Variants in HPD observed in about 807,000 individuals in gnomAD.
HPD encodes the protein 4-hydroxyphenylpyruvic acid oxidase.
In HPD, 35 loss-of-function variants were observed where a neutral mutation model predicts 56.9. The ratio of observed to expected loss-of-function variants is 0.62; its 90% CI spans 0.47 to 0.82. The LOEUF (loss-of-function observed/expected upper bound fraction) is 0.82, where lower values mean the gene tolerates loss of function less well. HPD is among the 40% of genes least tolerant of loss of function. The pLI, the probability that HPD is intolerant of heterozygous loss-of-function variation, is 0.00. For synonymous variants in HPD, 186 were observed against 200.2 expected (o/e 0.93, Z 0.60); for missense variants, 442 against 506.8 (o/e 0.87, Z 1.23).
At position 121,856,603 on chromosome 12, in the gene HPD, G is replaced by A. The variant is rs781548609; in HGVS notation, c.221C>T (p.Ala74Val). 19 of 1,613,972 alleles carry A rather than the reference G, an allele frequency of 1.2e-5. 1 individual carries two copies. Among genetic ancestry groups the A allele is most frequent in the South Asian group, 3.3e-5 (3 of 91,088 alleles). Residue 74 changes from alanine (A) to valine (V), a missense_variant, in exon 5 of 14, where the codon GCG (alanine) becomes GTG (valine). Ala to Val is a moderately conservative substitution (Grantham distance 64). Transcript: ENST00000289004. ...CTCACCTTTGTTCCAGGGGTTGAGCGCTGAGGAGAGGACAAACACAATCTA... is the reference window on the plus strand; with the variant it reads ...CTCACCTTTGTTCCAGGGGTTGAGCACTGAGGAGAGGACAAACACAATCTA... ...QGKIVFVLSSALNPWNKEMGD... is the reference protein window; with the variant it reads ...QGKIVFVLSSVLNPWNKEMGD...
At chr12:121,869,039 C>T in the HPD span, among the ~76,000 whole-genome samples, 22 of 146,464 alleles carry the variant, frequency 1.5e-4, no homozygotes, top group East Asian at 4.3e-3. Flanking sequence ...CAGGCATGTG[C>T]CACTGTGCCC....
chr12:121,857,444 G>A lies in HPD; in HGVS notation c.94-12C>T. 1 of 1,581,676 alleles carries A rather than the reference G, an allele frequency of 6.3e-7. No individual in the cohort carries two copies. On this transcript the variant is annotated splice_polypyrimidine_tract_variant and intron_variant, in intron 3 of 13. Transcript: ENST00000289004. ...TAGAATGACGTGGCCTGAATCACAGGGTTGCAGCAGGGTTCATGAGGGTCA... is the reference window on the plus strand; with the variant it reads ...TAGAATGACGTGGCCTGAATCACAGAGTTGCAGCAGGGTTCATGAGGGTCA...
At chr12:121,872,556 C>T in the HPD span, among the ~76,000 whole-genome samples, 5 of 151,890 alleles carry the variant, frequency 3.3e-5, no homozygotes, top group East Asian at 5.9e-4. Context: ...CTCCAGCATC[C>T]ACTCCTGTTC....
intron 12 of HPD, among the ~76,000 whole-genome samples, chr12:121,841,844 C>A (rs1197762684): frequency 6.6e-6 from 1 of 152,028 alleles, no homozygotes; most frequent in Non-Finnish European, 1.5e-5. Context: ...GCTATCACAC[C>A]CAGCTAATTT....
chr12:121,857,604 C>G, intron 3 of HPD, 153 bp downstream of exon 3: 1 of 833,000 alleles, frequency 1.2e-6, no homozygotes, highest in Admixed American at 2.0e-5. Flanking sequence ...ATAACTTTCC[C>G]GCTGGTGTAA....
At chr12:121,859,855 T>G (rs1298456231), upstream of HPD, among the ~76,000 whole-genome samples, 1 of 152,186 alleles carries the variant, frequency 6.6e-6, no homozygotes, top group Admixed American at 6.5e-5. Flanking sequence ...CTCAGCTCCT[T>G]AAGTCTAAAT....
the HPD span, among the ~76,000 whole-genome samples, chr12:121,885,488 C>T: frequency 6.7e-3 from 1,021 of 152,238 alleles, 4 homozygotes; most frequent in South Asian, 0.037. Flanking sequence ...GTGTGAGCCA[C>T]CACGCCCGGC....
intron 12 of HPD, among the ~76,000 whole-genome samples, chr12:121,842,843 G>T (rs12825630): frequency 0.21 from 31,055 of 147,892 alleles, 3,460 homozygotes; most frequent in African/African-American, 0.28. Flanking sequence ...CGCCTCCCGG[G>T]TTCAAGTGAT....
upstream of HPD, among the ~76,000 whole-genome samples, chr12:121,864,962 C>T (rs917238350): frequency 2.0e-5 from 3 of 151,950 alleles, no homozygotes; most frequent in East Asian, 2.0e-4. Context: ...ACTGGTTCAT[C>T]TTAGGGTAGA....
At chr12:121,862,990 T>C (rs1335867759), upstream of HPD, among the ~76,000 whole-genome samples, 5 of 136,352 alleles carry the variant, frequency 3.7e-5, no homozygotes, top group East Asian at 4.2e-4. Flanking sequence ...CCCCCCCTCC[T>C]TTTTTTTTTT....
At chr12:121,872,456 A>G in the HPD span, among the ~76,000 whole-genome samples, 1 of 151,604 alleles carries the variant, frequency 6.6e-6, no homozygotes, top group Non-Finnish European at 1.5e-5. Context: ...GTCTTGAACT[A>G]CTGACCTCAA....
chr12:121,857,292 C>T (rs1878036606), intron 4 of HPD, 36 bp downstream of exon 4: 3 of 1,351,102 alleles, frequency 2.2e-6, no homozygotes, highest in Non-Finnish European at 3.2e-6. Context: ...GTTGGCCAGG[C>T]AGGGGTTGGG....
the HPD span, among the ~76,000 whole-genome samples, chr12:121,880,659 C>A: frequency 0.25 from 38,427 of 152,032 alleles, 6,148 homozygotes; most frequent in East Asian, 0.57. Flanking sequence ...TATCTTATTA[C>A]TATTTTATGT....
intron 5 of HPD, 81 bp from the exon 6 acceptor site, chr12:121,856,487 T>A: frequency 6.3e-7 from 1 of 1,596,144 alleles, no homozygotes; most frequent in Non-Finnish European, 8.6e-7. Flanking sequence ...ATCCAGGCCC[T>A]GAACCCAGAG....
intron 4 of HPD, chr12:121,856,973 C>T (rs571425136): frequency 2.6e-5 from 13 of 499,780 alleles, no homozygotes; most frequent in Admixed American, 2.0e-4. Context: ...GAGGAGGAAA[C>T]GAAACTAGGA....
chr12:121,850,472 C>CTT (rs572420297), intron 7 of HPD, among the ~76,000 whole-genome samples: 46,707 of 119,872 alleles, frequency 0.39, 10,113 homozygotes, highest in East Asian at 0.7. Flanking sequence ...CTTTAACCAT[C>CTT]TTTTTTTTTT....
chr12:121,853,006 C>G (rs987339732), intron 7 of HPD, among the ~76,000 whole-genome samples: 6 of 152,156 alleles, frequency 3.9e-5, no homozygotes, highest in African/African-American at 9.7e-5. Flanking sequence ...TAAAAAGGAA[C>G]AAGATCATGT....
chr12:121,856,946 C>T (rs1054857467), intron 4 of HPD: 3 of 513,186 alleles, frequency 5.8e-6, no homozygotes, highest in African/African-American at 5.8e-5. Context: ...CCTGTGGGGT[C>T]AGTGTTGGGC....
At chr12:121,861,637 A>G (rs893793339), upstream of HPD, among the ~76,000 whole-genome samples, 2 of 152,176 alleles carry the variant, frequency 1.3e-5, no homozygotes, top group African/African-American at 2.4e-5. Flanking sequence ...CTAAATGGAG[A>G]TACACTTTCA....
Sources: gnomAD v4.1 joint callset for allele counts (sites outside exome capture counted in the v4.1 genomes callset) on GRCh38, gnomAD v4.1.1 for gene constraint, MANE v1.5 for transcripts, NCBI Gene and HGNC (gene_info 2026-07-23, HGNC 2026-07-21) for gene names.